PHF3: variants seen among roughly 807,000 people sequenced by gnomAD.
The protein encoded by PHF3 is PHD finger protein 3.
PHF3 carries 41 observed loss-of-function variants against 178.4 expected under a neutral mutation model. The observed-to-expected ratio is 0.23, with a 90% CI of 0.18 to 0.30. The LOEUF is 0.30. PHF3 is among the 10% of genes least tolerant of loss of function. PHF3 has a pLI of 1.00. For missense variants in PHF3, 2,346 were observed against 2,398.1 expected (o/e 0.98, Z 0.45); for synonymous variants, 842 against 800.5 (o/e 1.05, Z -0.88).
intron 3 of PHF3, 118 bp downstream of exon 3, chr6:63,680,279 T>C: frequency 2.3e-6 from 2 of 867,300 alleles, no homozygotes; most frequent in Non-Finnish European, 3.5e-6. Context: ...CCATTCGTTT[T>C]GATGGCAATC....
At chr6:63,694,996 T>C (rs947097192) in intron 6 of PHF3, among the ~76,000 whole-genome samples, 5 of 152,170 alleles carry the variant, frequency 3.3e-5, no homozygotes, top group African/African-American at 7.2e-5. Context: ...CTCATGGCAC[T>C]TAAATACTAA....
Position 63,684,519 on chromosome 6 carries a change from G to A in PHF3, c.797G>A (p.Gly266Glu), listed in dbSNP as rs779149435. The change falls in exon 4 of 16, where the codon GGA becomes GAA. Residue 266 changes from glycine to glutamate, a missense_variant. This residue lies in a region of PHF3 where 843 missense variants were observed against 795.2 expected (regional missense o/e 1.06). Transcript: ENST00000262043. ...CTTTCAGAGACTTGTGTTACTATTG[G>A]AGAAAAGAAAAATGAAGCTTTGATG... is the stretch of plus-strand genomic sequence containing the variant. ...SLLSETCVTI[G>E]EKKNEALMEC... 2 of 1,613,174 alleles carry A rather than the reference G, an allele frequency of 1.2e-6. No homozygotes were observed. The highest frequency in any genetic ancestry group is 1.7e-6 in the Non-Finnish European group (2 of 1,179,712).
intron 2 of PHF3, chr6:63,678,871 T>TTGG: frequency 2.2e-6 from 1 of 451,612 alleles, no homozygotes; most frequent in South Asian, 1.6e-5. Flanking sequence ...GAAGTTCTAC[T>TTGG]TGGACACAAA....
chr6:63,706,721 T>C lies in PHF3; in HGVS notation c.3564-8T>C, dbSNP rs371980852. The stretch of plus-strand genomic sequence containing the variant: ...CTTGTCTTTAGGCTTTTTAATGTCA[T>C]TTTCTAGTCCAGAGATGCCTGGAAC... On this transcript the variant is annotated splice_polypyrimidine_tract_variant and splice_region_variant and intron_variant, in intron 12 of 15. Coordinates refer to ENST00000262043, the MANE Select transcript of PHF3 (RefSeq NM_001370348.2). The C allele has an allele frequency of 6.2e-7, 1 of 1,612,062 alleles. No individual in the cohort carries two copies. The highest frequency in any genetic ancestry group is 1.3e-5 in the African/African-American group (1 of 74,930).
chr6:63,684,034 C>T (rs939098775), intron 3 of PHF3, 95 bp from the exon 4 acceptor site: 5 of 963,510 alleles, frequency 5.2e-6, no homozygotes, highest in Middle Eastern at 2.2e-4. Context: ...AATTATAGCT[C>T]AGAATAAAGA....
At chr6:63,705,546 A>G (rs1270305076) in intron 11 of PHF3, among the ~76,000 whole-genome samples, 1 of 152,188 alleles carries the variant, frequency 6.6e-6, no homozygotes, top group Non-Finnish European at 1.5e-5. Flanking sequence ...TTAATGCTTG[A>G]TGATCTGAGG....
rs1395854140 is a variant in PHF3, at chr6:63,725,219, ACT to A, written c.*11514_*11515del. Among the ~76,000 whole-genome samples the A allele has an allele frequency of 6.6e-6, 1 of 152,038 alleles. No homozygotes were observed. The highest frequency in any genetic ancestry group is 1.5e-5 in the Non-Finnish European group (1 of 67,954). Reference sequence around the variant, plus strand: ...AGTGTCTGATGGCATAAAAAAGGAAACTCTTGATTGTCTTGAACTACATGCAT... The same window carrying A: ...AGTGTCTGATGGCATAAAAAAGGAAACTTGATTGTCTTGAACTACATGCAT... On this transcript the variant is annotated 3_prime_UTR_variant, in exon 16 of 16. Transcript: ENST00000262043.
chr6:63,721,818 A>C lies in PHF3; in HGVS notation c.*8110A>C. 2.0e-6 allele frequency: 3 copies of C among 1,526,284 alleles called. No individual in the cohort carries two copies. Among genetic ancestry groups the C allele is most frequent in the Non-Finnish European group, 2.6e-6 (3 of 1,135,764 alleles). 94.5% of individuals were successfully genotyped at this position (1,526,284 alleles called of 1,614,324 possible). ...ATCACCTGCAAGAAAGCAAACAGTA[A>C]GTTTGATTAGCAACAGTAAAAGTTT... is the stretch of plus-strand genomic sequence containing the variant. On this transcript the variant is annotated 3_prime_UTR_variant, in exon 16 of 16. Coordinates refer to ENST00000262043, the MANE Select transcript of PHF3 (RefSeq NM_001370348.2).
intron 2 of PHF3, among the ~76,000 whole-genome samples, chr6:63,653,024 T>G (rs1430665298): frequency 1.3e-5 from 2 of 151,388 alleles, no homozygotes; most frequent in Non-Finnish European, 3.0e-5. Context: ...GGCTAGTTTT[T>G]TTTTTTTTTG....
Position 63,712,333 on chromosome 6 carries a change from A to G in PHF3, c.4745A>G (p.Gln1582Arg), listed in dbSNP as rs763312098. The G allele has an allele frequency of 1.2e-6, 2 of 1,613,208 alleles. No homozygotes were observed. Among genetic ancestry groups the G allele is most frequent in the Non-Finnish European group, 1.7e-6 (2 of 1,179,792 alleles). The change falls in exon 16 of 16, where the codon CAA (glutamine) becomes CGA (arginine). Residue 1582 changes from glutamine to arginine, a missense_variant. Transcript: ENST00000262043. ...FLTNLSIQSKQEETVESKEKT... is the reference protein window; with the variant it reads ...FLTNLSIQSKREETVESKEKT... ...ACAAATTTATCAATTCAGTCAAAAC[A>G]AGAGGAAACTGTGGAGAGTAAAGAG...
rs912372862 is a variant in PHF3 at position 63,636,071 on chromosome 6, C to T, written c.-105C>T. On this transcript the variant is annotated 5_prime_UTR_variant, in exon 1 of 16. Transcript: ENST00000262043. The stretch of plus-strand genomic sequence containing the variant: ...CCTCTCCGCGGCACCCACCGGGCCC[C>T]CTCCTCCTCCTCTTCGGCGGCGGCA... The T allele has an allele frequency of 5.2e-6, 2 of 381,754 alleles. No individual in the cohort carries two copies. Among genetic ancestry groups the T allele is most frequent in the South Asian group, 1.4e-4 (1 of 7,122 alleles). The allele number at this position is 381,754 out of a possible 1,614,324, so 23.6% of individuals were successfully genotyped here.
Position 63,720,282 on chromosome 6 carries a change from C to G in PHF3, c.*6574C>G. Reference sequence around the variant, plus strand: ...ATTGATTTTTAAAATTGTGTTTACACGTTGATTTTAAAATGTAAGCATTAG... The same window carrying G: ...ATTGATTTTTAAAATTGTGTTTACAGGTTGATTTTAAAATGTAAGCATTAG... On this transcript the variant is annotated 3_prime_UTR_variant, in exon 16 of 16. Transcript: ENST00000262043. The G allele has an allele frequency of 2.8e-6, 1 of 360,682 alleles. No homozygotes were observed. Among genetic ancestry groups the G allele is most frequent in the Non-Finnish European group, 5.0e-6 (1 of 201,266 alleles). The allele number at this position is 360,682 out of a possible 1,614,324, so 22.3% of individuals were successfully genotyped here.
chr6:63,706,087 A>G lies in PHF3; in HGVS notation c.3426A>G (p.Gly1142=). 6.2e-7 allele frequency: 1 copy of G among 1,613,980 alleles called. No homozygotes were observed. Residue 1142 remains glycine, a synonymous_variant, in exon 12 of 16, where the codon GGA becomes GGG. Coordinates refer to ENST00000262043, the MANE Select transcript of PHF3 (RefSeq NM_001370348.2). ...CAAAAAAAGTAAAAGTTGTTGTAGG[A>G]GTAGCTCGCAAACATTCAGACAATG... ...LSPKKVKVVV[G]VARKHSDNEA...
At position 63,717,526 on chromosome 6, in the gene PHF3, A is replaced by G. The variant is rs967410885; in HGVS notation, c.*3818A>G. ...ATTCTTTGATTTCTGTTTCACAATT[A>G]TAGTAATATGTAGAGCAAAAAAGTA... is the stretch of plus-strand genomic sequence containing the variant. On this transcript the variant is annotated 3_prime_UTR_variant, in exon 16 of 16. Transcript: ENST00000262043. 1.3e-5 allele frequency among the ~76,000 whole-genome samples: 2 copies of G among 152,024 alleles called. No individual in the cohort carries two copies. The highest frequency in any genetic ancestry group is 2.4e-5 in the African/African-American group (1 of 41,432).
In PHF3 at chr6:63,722,220, C is replaced by T. The variant is rs1320226306; in HGVS notation, c.*8512C>T. Reference sequence around the variant, plus strand: ...AATGTTCTCTTTCCCCATCCTTACACTCTCTTTACTTCAACAACACTGACT... The same window carrying T: ...AATGTTCTCTTTCCCCATCCTTACATTCTCTTTACTTCAACAACACTGACT... On this transcript the variant is annotated 3_prime_UTR_variant, in exon 16 of 16. Coordinates refer to ENST00000262043, the MANE Select transcript of PHF3 (RefSeq NM_001370348.2). 6.6e-6 allele frequency among the ~76,000 whole-genome samples: 1 copy of T among 152,138 alleles called. No homozygotes were observed. The highest frequency in any genetic ancestry group is 6.6e-5 in the Admixed American group (1 of 15,242).
Position 63,716,633 on chromosome 6 carries a change from CA to C in PHF3, c.*2926del, listed in dbSNP as rs1240852290. 6.6e-6 allele frequency among the ~76,000 whole-genome samples: 1 copy of C among 151,594 alleles called. No homozygotes were observed. Among genetic ancestry groups the C allele is most frequent in the Non-Finnish European group, 1.5e-5 (1 of 67,848 alleles). The stretch of plus-strand genomic sequence containing the variant: ...ATCTCACTGGGTAAGATCAAGGTGT[CA>C]GCAAGATGCATTCATTTTCTGGAGA... On this transcript the variant is annotated 3_prime_UTR_variant, in exon 16 of 16. Coordinates refer to ENST00000262043, the MANE Select transcript of PHF3 (RefSeq NM_001370348.2).
intron 5 of PHF3, among the ~76,000 whole-genome samples, chr6:63,693,902 T>G (rs1767116516): frequency 6.6e-6 from 1 of 152,242 alleles, no homozygotes; most frequent in African/African-American, 2.4e-5. Flanking sequence ...TGTATAATAT[T>G]GAAGTATATT....
chr6:63,656,096 A>G (rs1229823246), intron 2 of PHF3, among the ~76,000 whole-genome samples: 3 of 152,266 alleles, frequency 2.0e-5, no homozygotes, highest in Non-Finnish European at 2.9e-5. Flanking sequence ...CACTTTATAA[A>G]TTCAGAAAAT....
In PHF3 at chr6:63,694,600, A is replaced by G. The variant is rs748307074; in HGVS notation, c.2516A>G (p.Asn839Ser). The G allele has an allele frequency of 6.5e-7, 1 of 1,529,638 alleles. No individual in the cohort carries two copies. The highest frequency in any genetic ancestry group is 8.8e-7 in the Non-Finnish European group (1 of 1,138,538). The allele number at this position is 1,529,638 out of a possible 1,614,324, so 94.8% of individuals were successfully genotyped here. ...ILKRESGEGRNSSDCRDNEIK... is the reference protein window; with the variant it reads ...ILKRESGEGRSSSDCRDNEIK... ...TTCCAGGAGTCTGGTGAAGGCAGAA[A>G]TTCATCAGACTGTAGAGATAATGAA... The change falls in exon 6 of 16, where the codon AAT becomes AGT. Residue 839 changes from asparagine (N) to serine (S), a missense_variant. Physicochemically the swap from Asn to Ser is conservative, Grantham distance 46. This residue lies in a region of PHF3 where 252 missense variants were observed against 232.0 expected (regional missense o/e 1.09). Transcript: ENST00000262043.
Sources: gnomAD v4.1 joint callset for allele counts (sites outside exome capture counted in the v4.1 genomes callset) on GRCh38, gnomAD v4.1.1 for gene constraint, gnomAD v4.1.1 regional missense constraint, MANE v1.5 for transcripts, NCBI Gene and HGNC (gene_info 2026-07-23, HGNC 2026-07-21) for gene names.